GIGYF2: variants seen among roughly 807,000 people sequenced by gnomAD.
The protein encoded by GIGYF2 is GRB10-interacting GYF protein 2.
In GIGYF2, 25 loss-of-function variants were observed where a neutral mutation model predicts 208.1. The observed-to-expected ratio is 0.12, with a 90% CI of 0.09 to 0.17. The LOEUF is 0.17. Ranked by LOEUF, GIGYF2 falls within the 10% of genes least tolerant of loss-of-function variation. The pLI, the probability that GIGYF2 is intolerant of heterozygous loss-of-function variation, is 1.00. For synonymous variants in GIGYF2, 534 were observed against 543.8 expected, an observed-to-expected ratio of 0.98 and a Z score of 0.25; for missense variants, 1,302 against 1,579.4, an observed-to-expected ratio of 0.82 and a Z score of 2.98.
chr2:232,779,249 C>T (rs1316856004), intron 8 of GIGYF2, among the ~76,000 whole-genome samples: 3 of 152,042 alleles, frequency 2.0e-5, no homozygotes, highest in Non-Finnish European at 4.4e-5. Flanking sequence ...ATGGTAAATA[C>T]CTGTTCATAG....
chr2:232,785,380 C>T (rs149014848), intron 8 of GIGYF2, among the ~76,000 whole-genome samples: 1 of 152,288 alleles, frequency 6.6e-6, no homozygotes, highest in East Asian at 1.9e-4. Context: ...GCTGCAGTCT[C>T]TCAAAGCTCA....
chr2:232,812,453 C>T lies in GIGYF2; in HGVS notation c.2069C>T (p.Ser690Phe), dbSNP rs762120605. 1 of 1,548,340 alleles carries T rather than the reference C, an allele frequency of 6.5e-7. No homozygotes were observed. Among genetic ancestry groups the T allele is most frequent in the Non-Finnish European group, 8.9e-7 (1 of 1,120,680 alleles). The part of the protein sequence containing the change: ...TRSVSVPDTG[S>F]IWELQPTASQ... ...TCTGTGTCCGTGCCAGATACTGGCT[C>T]TATCTGGGAGCTTCAGCCAACAGCT... is the stretch of plus-strand genomic sequence containing the variant. The change falls in exon 18 of 29, where the codon TCT becomes TTT. Residue 690 changes from serine to phenylalanine, a missense_variant. This residue lies in a region of GIGYF2 where 701 missense variants were observed against 793.0 expected (regional missense o/e 0.88). Transcript: ENST00000373563.
chr2:232,741,372 A>G (rs1697962553), intron 3 of GIGYF2, among the ~76,000 whole-genome samples: 1 of 151,808 alleles, frequency 6.6e-6, no homozygotes, highest in Admixed American at 6.6e-5. Context: ...ACCTTAGTGA[A>G]AGTTGCCACC....
At chr2:232,732,716 T>C (rs934277194) in intron 2 of GIGYF2, among the ~76,000 whole-genome samples, 8 of 151,720 alleles carry the variant, frequency 5.3e-5, no homozygotes, top group Non-Finnish European at 7.4e-5. Flanking sequence ...TCACGACTCA[T>C]TGTAGTCTCA....
chr2:232,768,182 G>T (rs1272838472), intron 8 of GIGYF2: 3 of 1,613,472 alleles, frequency 1.9e-6, no homozygotes, highest in Non-Finnish European at 2.5e-6. Context: ...ATTAAAAAAT[G>T]GATAAGTCTT....
In GIGYF2 at chr2:232,790,782, G is replaced by A. The variant is rs746769363; in HGVS notation, c.797G>A (p.Arg266Gln). The A allele has an allele frequency of 3.1e-6, 5 of 1,614,066 alleles. No individual in the cohort carries two copies. The highest frequency in any genetic ancestry group is 4.2e-6 in the Non-Finnish European group (5 of 1,179,960). ...EFDFRDRDDERGYRRVRSGSG... is the reference protein window; with the variant it reads ...EFDFRDRDDEQGYRRVRSGSG... ...GATTTTCGAGATAGAGATGATGAAC[G>A]GGGTTACCGAAGGGTTCGCTCTGGC... is the stretch of plus-strand genomic sequence containing the variant. The change falls in exon 10 of 29, where the codon CGG becomes CAG. Residue 266 changes from arginine to glutamine, a missense_variant. By Grantham distance (43) the Arg-to-Gln change is conservative. This residue lies in a region of GIGYF2 where 50 missense variants were observed against 42.3 expected (regional missense o/e 1.18). Coordinates refer to ENST00000373563, the MANE Select transcript of GIGYF2 (RefSeq NM_001103146.3).
At chr2:232,708,570 T>C (rs1696237919) in intron 2 of GIGYF2, among the ~76,000 whole-genome samples, 1 of 151,582 alleles carries the variant, frequency 6.6e-6, no homozygotes, top group Admixed American at 6.6e-5. Context: ...GTGCAGTGGC[T>C]AACGTCTGTA....
At chr2:232,777,177 C>A (rs1310407519) in intron 8 of GIGYF2, among the ~76,000 whole-genome samples, 1 of 151,662 alleles carries the variant, frequency 6.6e-6, no homozygotes, top group Admixed American at 6.6e-5. Flanking sequence ...TGTTCTGTAC[C>A]TGATACTTTA....
At chr2:232,836,280 AT>A (rs1701596110) in intron 22 of GIGYF2, among the ~76,000 whole-genome samples, 1 of 4,092 alleles carries the variant, frequency 2.4e-4, no homozygotes, top group Non-Finnish European at 7.3e-4. Context: ...ATATATATAT[AT>A]ATATATATAT....
intron 2 of GIGYF2, among the ~76,000 whole-genome samples, chr2:232,717,158 C>T (rs1416495940): frequency 6.6e-6 from 1 of 151,986 alleles, no homozygotes. Context: ...TTATTTAACA[C>T]AACTGGAGCT....
At chr2:232,831,503 G>A (rs1226822185) in intron 21 of GIGYF2, among the ~76,000 whole-genome samples, 1 of 152,130 alleles carries the variant, frequency 6.6e-6, no homozygotes, top group Non-Finnish European at 1.5e-5. Flanking sequence ...AAGAAGCACA[G>A]CCTATGTGTG....
intron 6 of GIGYF2, among the ~76,000 whole-genome samples, chr2:232,759,134 A>G (rs962901774): frequency 3.9e-5 from 6 of 152,256 alleles, no homozygotes; most frequent in Admixed American, 6.5e-5. Context: ...ATATAGTCAT[A>G]TAAAAGTACA....
chr2:232,770,344 A>G (rs1699183170), intron 8 of GIGYF2, among the ~76,000 whole-genome samples: 1 of 152,192 alleles, frequency 6.6e-6, no homozygotes, highest in South Asian at 2.1e-4. Flanking sequence ...CTTTGTGGAC[A>G]TATTTCCAGT....
In GIGYF2 at chr2:232,847,431, TC is replaced by T; in HGVS notation, c.3545del (p.Ser1182LeufsTer53). The stretch of plus-strand genomic sequence containing the variant: ...TATCAGGGCCTATTTAGGAGATACT[TC>T]TGAGGCCAAGGAGTTTGCCAAGCAG... ...DYIRAYLGDT[S>X]EAKEFAKQFL... On this transcript the variant is annotated frameshift_variant, in exon 27 of 29. Transcript: ENST00000373563. LOFTEE classifies it high-confidence loss of function. 6.2e-7 allele frequency: 1 copy of T among 1,613,954 alleles called. No individual in the cohort carries two copies. The highest frequency in any genetic ancestry group is 8.5e-7 in the Non-Finnish European group (1 of 1,179,950).
Position 232,711,705 on chromosome 2 carries a change from GTATATATATATA to G in GIGYF2, c.-44+8227_-44+8238del, listed in dbSNP as rs55893272. Among the ~76,000 whole-genome samples, 485 of 115,768 alleles carry G rather than the reference GTATATATATATA, an allele frequency of 4.2e-3. 8 individuals are homozygous for G. Among genetic ancestry groups the G allele is most frequent in the Middle Eastern group, 0.019 (4 of 210 alleles). The allele number at this position is 115,768 out of a possible 152,430, so 75.9% of individuals were successfully genotyped here. On this transcript the variant is annotated intron_variant, in intron 2 of 28. Coordinates refer to ENST00000373563, the MANE Select transcript of GIGYF2 (RefSeq NM_001103146.3). ...GAAGGAAAATTATCCTCACAATGAT[GTATATATATATA>G]TATATATATAGTTGTAATAGAATTT...
chr2:232,756,024 G>A (rs1477450867), intron 5 of GIGYF2, among the ~76,000 whole-genome samples, 199 bp from the exon 6 acceptor site: 2 of 152,102 alleles, frequency 1.3e-5, no homozygotes. Context: ...ATGTTAATTT[G>A]CAATTATCAG....
rs1327478714 is a variant in GIGYF2, at chr2:232,860,061, G to C, written c.*3201G>C. 1 of 152,220 alleles carries C rather than the reference G, an allele frequency of 6.6e-6. No homozygotes were observed. The highest frequency in any genetic ancestry group is 1.5e-5 in the Non-Finnish European group (1 of 68,038). The allele number at this position is 152,220 out of a possible 1,614,324, so 9.4% of individuals were successfully genotyped here. On this transcript the variant is annotated 3_prime_UTR_variant, in exon 29 of 29. Coordinates refer to ENST00000373563, the MANE Select transcript of GIGYF2 (RefSeq NM_001103146.3). ...AGGTCACATTGGAGAAGAGCTTGTG[G>C]GGTGGGAGATATTATAGCCATTTTT...
intron 2 of GIGYF2, among the ~76,000 whole-genome samples, chr2:232,726,134 C>T (rs1476796298): frequency 6.6e-6 from 1 of 152,188 alleles, no homozygotes; most frequent in Admixed American, 6.5e-5. Context: ...CTTTGGGAAG[C>T]CAAGGCGGGT....
intron 27 of GIGYF2, among the ~76,000 whole-genome samples, chr2:232,849,536 C>G (rs546829259): frequency 1.2e-4 from 18 of 152,156 alleles, no homozygotes; most frequent in Non-Finnish European, 2.4e-4. Context: ...GAAATGGCTT[C>G]TCTGTGGGCT....
Sources: allele counts gnomAD v4.1 joint callset (sites outside exome capture counted in the v4.1 genomes callset), GRCh38; gene constraint gnomAD v4.1.1; regional missense constraint gnomAD v4.1.1; transcripts MANE v1.5; gene names NCBI Gene and HGNC (gene_info 2026-07-23, HGNC 2026-07-21).